The following RAD51C variants were observed in gnomAD, a reference collection of about 807,000 sequenced individuals.
The protein encoded by RAD51C is RAD51 paralog C, also known as DNA repair protein RAD51 homolog 3.
In RAD51C, 42 loss-of-function variants were observed where a neutral mutation model predicts 45.0. The observed-to-expected ratio is 0.93, with a 90% CI of 0.73 to 1.21. RAD51C has a LOEUF of 1.21. RAD51C is among the 50% of genes most tolerant of loss of function. RAD51C has a pLI of 0.00. For synonymous variants in RAD51C, 172 were observed against 159.8 expected (o/e 1.08, Z -0.58); for missense variants, 474 against 452.2 (o/e 1.05, Z -0.44).
chr17:58,702,342 T>A (rs2048238387), intron 3 of RAD51C, among the ~76,000 whole-genome samples: 1 of 152,164 alleles, frequency 6.6e-6, no homozygotes, highest in African/African-American at 2.4e-5. Context: ...TGTATATGTT[T>A]ATAAATAATT....
chr17:58,711,395 CTTATAA>C lies in RAD51C; in HGVS notation c.837+1411_837+1416del, dbSNP rs552498611. 3.6e-3 allele frequency among the ~76,000 whole-genome samples: 546 copies of C among 152,186 alleles called. 6 individuals are homozygous for C. The highest frequency in any genetic ancestry group is 0.012 in the African/African-American group (514 of 41,532). On this transcript the variant is annotated intron_variant, in intron 5 of 8. Transcript: ENST00000337432. ...TAATGTTACCTCAGTTTAGAGAAAA[CTTATAA>C]TTATATGTATGCATTTATATTTGTA...
intron 1 of RAD51C, chr17:58,693,076 A>G (rs1345969542): frequency 2.3e-6 from 1 of 431,552 alleles, no homozygotes; most frequent in South Asian, 2.1e-5. Context: ...AGATTATTAT[A>G]TTCAGTATAT....
intron 4 of RAD51C, among the ~76,000 whole-genome samples, chr17:58,709,299 G>A (rs1392744062): frequency 6.7e-6 from 1 of 149,294 alleles, no homozygotes; most frequent in Non-Finnish European, 1.5e-5. Context: ...GGCTGGTCTT[G>A]AACTCCTGAC....
intron 3 of RAD51C, among the ~76,000 whole-genome samples, chr17:58,699,691 C>A (rs939790607): frequency 6.6e-6 from 1 of 152,138 alleles, no homozygotes; most frequent in African/African-American, 2.4e-5. Context: ...AGTTAATCAC[C>A]ACAGACAACT....
At chr17:58,692,838 G>A (rs576364420) in intron 1 of RAD51C, 50 bp downstream of exon 1, 29 of 1,613,172 alleles carry the variant, frequency 1.8e-5, no homozygotes, top group African/African-American at 2.7e-5. Context: ...CGTCAGCGCC[G>A]CCTCAGTCTT....
intron 3 of RAD51C, among the ~76,000 whole-genome samples, chr17:58,698,013 A>AT (rs993078548): frequency 1.4e-5 from 2 of 141,440 alleles, no homozygotes; most frequent in African/African-American, 2.6e-5. Flanking sequence ...CACCCGGCCA[A>AT]TTTTTTTTTC....
At chr17:58,711,918 G>A (rs1441453842) in intron 5 of RAD51C, among the ~76,000 whole-genome samples, 1 of 151,792 alleles carries the variant, frequency 6.6e-6, no homozygotes, top group African/African-American at 2.4e-5. Context: ...ATAATTTTAA[G>A]GCCAGATGTG....
At chr17:58,701,606 T>C (rs2048214164) in intron 3 of RAD51C, among the ~76,000 whole-genome samples, 2 of 150,508 alleles carry the variant, frequency 1.3e-5, no homozygotes, top group South Asian at 4.4e-4. Context: ...AGTCTTGCTC[T>C]GTCGCCCAGG....
rs1567782727 is a variant in RAD51C, at chr17:58,692,668, G to C, written c.25G>C (p.Glu9Gln). The change falls in exon 1 of 9, where the codon GAA becomes CAA. Residue 9 changes from glutamate (E) to glutamine (Q), a missense_variant. Physicochemically the swap from Glu to Gln is conservative, Grantham distance 29 (BLOSUM62 2). Transcript: ENST00000337432. Reference protein sequence around the residue: MRGKTFRFEMQRDLVSFPL... With the variant: MRGKTFRFQMQRDLVSFPL... Reference sequence around the variant, plus strand: ...GATGCGCGGGAAGACGTTCCGCTTTGAAATGCAGCGGGATTTGGTGAGTTT... The same window carrying C: ...GATGCGCGGGAAGACGTTCCGCTTTCAAATGCAGCGGGATTTGGTGAGTTT... The C allele has an allele frequency of 6.2e-7, 1 of 1,614,228 alleles. No homozygotes were observed. Among genetic ancestry groups the C allele is most frequent in the Non-Finnish European group, 8.5e-7 (1 of 1,180,048 alleles).
intron 2 of RAD51C, among the ~76,000 whole-genome samples, chr17:58,696,306 G>A (rs1185106529): frequency 1.3e-5 from 2 of 152,024 alleles, no homozygotes; most frequent in Non-Finnish European, 2.9e-5. Flanking sequence ...GGTGGCGGGT[G>A]CTTGTAGTCC....
chr17:58,709,562 A>G (rs1395103126), intron 4 of RAD51C: 4 of 247,736 alleles, frequency 1.6e-5, no homozygotes, highest in Admixed American at 5.2e-5. Context: ...GGTTTTTCCA[A>G]TGCTATGTTT....
At chr17:58,692,986 A>ACCACAAAAGTT in intron 1 of RAD51C, 198 bp downstream of exon 1, 1 of 729,778 alleles carries the variant, frequency 1.4e-6, no homozygotes, top group Non-Finnish European at 2.2e-6. Context: ...TCGTGAAAAC[A>ACCACAAAAGTT]TTTACTAATT....
At position 58,734,601 on chromosome 17, in the gene RAD51C, T is replaced by G. The variant is rs978731717; in HGVS notation, c.*379T>G. 2.1e-5 allele frequency: 5 copies of G among 234,126 alleles called. No homozygotes were observed. Among genetic ancestry groups the G allele is most frequent in the Non-Finnish European group, 4.1e-5 (5 of 121,388 alleles). 14.5% of individuals were successfully genotyped at this position (234,126 alleles called of 1,614,324 possible). Reference sequence around the variant, plus strand: ...TATTCTTATTGTGTTTTTTTTTTTTTTTTTTTTTTTGGAGATGGATTCTCG... The same window carrying G: ...TATTCTTATTGTGTTTTTTTTTTTTGTTTTTTTTTTGGAGATGGATTCTCG... On this transcript the variant is annotated 3_prime_UTR_variant, in exon 9 of 9. Transcript: ENST00000337432.
chr17:58,730,701 A>T (rs1490615062), intron 7 of RAD51C, among the ~76,000 whole-genome samples: 5 of 152,178 alleles, frequency 3.3e-5, no homozygotes, highest in African/African-American at 4.8e-5. Flanking sequence ...ATTTTGTGTA[A>T]GTAAATGACC....
intron 5 of RAD51C, among the ~76,000 whole-genome samples, chr17:58,710,922 A>G (rs991478970): frequency 6.6e-6 from 1 of 152,184 alleles, no homozygotes; most frequent in Non-Finnish European, 1.5e-5. Context: ...CAAACTGCTT[A>G]ACTTGATTTC....
chr17:58,722,084 A>G (rs2143941977), intron 6 of RAD51C, among the ~76,000 whole-genome samples: 1 of 152,294 alleles, frequency 6.6e-6, no homozygotes, highest in South Asian at 2.1e-4. Context: ...ATAAATCAGA[A>G]AGCAAATTTA....
At chr17:58,728,512 C>T (rs2049265584) in intron 7 of RAD51C, among the ~76,000 whole-genome samples, 2 of 151,376 alleles carry the variant, frequency 1.3e-5, no homozygotes, top group Admixed American at 6.6e-5. Context: ...GTCCTCCCAC[C>T]TCAGCCTCCC....
intron 1 of RAD51C, chr17:58,693,077 T>C (rs986952992): frequency 2.3e-6 from 1 of 430,440 alleles, no homozygotes; most frequent in Admixed American, 3.7e-5. Flanking sequence ...GATTATTATA[T>C]TCAGTATATG....
chr17:58,696,989 A>T, intron 3 of RAD51C, 130 bp downstream of exon 3: 2 of 1,101,124 alleles, frequency 1.8e-6, no homozygotes, highest in Non-Finnish European at 2.7e-6. Flanking sequence ...CTAGTGTTAA[A>T]CTCTTTTACT....
Sources: allele counts gnomAD v4.1 joint callset (sites outside exome capture counted in the v4.1 genomes callset), GRCh38; gene constraint gnomAD v4.1.1; transcripts MANE v1.5; gene names NCBI Gene and HGNC (gene_info 2026-07-23, HGNC 2026-07-21).